The following C7orf78 variants were observed in gnomAD, a reference collection of about 807,000 sequenced individuals.
The protein encoded by C7orf78 is chromosome 7 open reading frame 78.
the C7orf78 span, among the ~76,000 whole-genome samples, chr7:12,516,538 G>T: frequency 6.6e-6 from 1 of 152,192 alleles, no homozygotes; most frequent in Admixed American, 6.5e-5. Flanking sequence ...CCATCCTCCA[G>T]ATCCCAGAAT....
the C7orf78 span, among the ~76,000 whole-genome samples, chr7:12,492,876 A>T: frequency 2.0e-5 from 3 of 152,224 alleles, no homozygotes; most frequent in African/African-American, 7.2e-5. Context: ...TGTGTTTTGC[A>T]GTATCTGACA....
chr7:12,534,444 C>A, the C7orf78 span, among the ~76,000 whole-genome samples: 18 of 152,132 alleles, frequency 1.2e-4, no homozygotes, highest in Admixed American at 3.9e-4. Flanking sequence ...TTAAAAGAAC[C>A]ACAAAAACAC....
chr7:12,501,185 C>G, the C7orf78 span, among the ~76,000 whole-genome samples: 1 of 137,104 alleles, frequency 7.3e-6, no homozygotes, highest in Non-Finnish European at 1.6e-5. Flanking sequence ...CAGGGATGTC[C>G]TCTCTCACCA....
the C7orf78 span, among the ~76,000 whole-genome samples, chr7:12,488,670 C>CA: frequency 1.8e-3 from 251 of 141,880 alleles, no homozygotes; most frequent in African/African-American, 5.5e-3. Context: ...AACAGCTCAG[C>CA]AAAAAAAAAA....
At chr7:12,500,166 A>C in the C7orf78 span, among the ~76,000 whole-genome samples, 3 of 149,440 alleles carry the variant, frequency 2.0e-5, no homozygotes, top group African/African-American at 7.4e-5. Flanking sequence ...TCACAATTAA[A>C]AGAACTAGAA....
At chr7:12,491,597 A>G in the C7orf78 span, 7 of 152,170 alleles carry the variant, frequency 4.6e-5, no homozygotes, top group Non-Finnish European at 8.8e-5. Context: ...CACCACACTA[A>G]AAAAGAGTAA....
chr7:12,537,753 T>A, the C7orf78 span, among the ~76,000 whole-genome samples: 1 of 152,156 alleles, frequency 6.6e-6, no homozygotes. Flanking sequence ...TAATAGAATG[T>A]ATACATAAAA....
chr7:12,511,605 C>T, the C7orf78 span, among the ~76,000 whole-genome samples: 1 of 152,016 alleles, frequency 6.6e-6, no homozygotes, highest in Non-Finnish European at 1.5e-5. Flanking sequence ...TCAATTTATT[C>T]TTAGGTATTT....
chr7:12,492,514 T>G, the C7orf78 span, among the ~76,000 whole-genome samples: 2 of 152,226 alleles, frequency 1.3e-5, no homozygotes. Flanking sequence ...GATTTCAGAT[T>G]GGTAGATCAT....
chr7:12,493,033 T>C, the C7orf78 span, among the ~76,000 whole-genome samples: 1 of 152,122 alleles, frequency 6.6e-6, no homozygotes, highest in African/African-American at 2.4e-5. Flanking sequence ...CAAAAAACCA[T>C]CTCTACAAAA....
chr7:12,487,991 A>G, the C7orf78 span, among the ~76,000 whole-genome samples: 1 of 152,090 alleles, frequency 6.6e-6, no homozygotes, highest in Admixed American at 6.6e-5. Flanking sequence ...TTAGAATCAG[A>G]AAACTCTGTT....
chr7:12,506,954 G>A, the C7orf78 span: 4 of 478,512 alleles, frequency 8.4e-6, no homozygotes, highest in Admixed American at 4.5e-5. Flanking sequence ...TAAATCTCTT[G>A]CTGAACAAAG....
chr7:12,536,749 T>G, the C7orf78 span, among the ~76,000 whole-genome samples: 1 of 152,180 alleles, frequency 6.6e-6, no homozygotes, highest in South Asian at 2.1e-4. Context: ...AGAAATTTCT[T>G]CTGCCAGATA....
At chr7:12,494,214 C>A in the C7orf78 span, among the ~76,000 whole-genome samples, 1 of 152,090 alleles carries the variant, frequency 6.6e-6, no homozygotes, top group Non-Finnish European at 1.5e-5. Flanking sequence ...CAATATTGAC[C>A]ATTTTGCCTG....
the C7orf78 span, chr7:12,506,950 T>A: frequency 2.1e-6 from 1 of 479,842 alleles, no homozygotes; most frequent in Admixed American, 2.2e-5. Context: ...TGAATAAATC[T>A]CTTGCTGAAC....
At chr7:12,538,764 G>C in the C7orf78 span, among the ~76,000 whole-genome samples, 2 of 152,112 alleles carry the variant, frequency 1.3e-5, no homozygotes, top group Non-Finnish European at 2.9e-5. Context: ...AATGGCGTGA[G>C]TACAGAAGAC....
chr7:12,528,970 C>G, the C7orf78 span: 1 of 398,510 alleles, frequency 2.5e-6, no homozygotes, highest in Middle Eastern at 6.3e-4. Context: ...CACCCACAAG[C>G]ATTGTGAATG....
chr7:12,535,369 T>C, the C7orf78 span, among the ~76,000 whole-genome samples: 3 of 152,162 alleles, frequency 2.0e-5, no homozygotes, highest in Admixed American at 6.5e-5. Flanking sequence ...GCAGGGAAAC[T>C]CTTGTTTTTA....
At chr7:12,513,143 T>A in the C7orf78 span, among the ~76,000 whole-genome samples, 1 of 152,118 alleles carries the variant, frequency 6.6e-6, no homozygotes, top group East Asian at 1.9e-4. Context: ...TTCTCTGTAT[T>A]TCTTTTAGTT....
Sources: gnomAD v4.1 joint callset for allele counts (sites outside exome capture counted in the v4.1 genomes callset) on GRCh38, gnomAD v4.1.1 for gene constraint, MANE v1.5 for transcripts, NCBI Gene and HGNC (gene_info 2026-07-23, HGNC 2026-07-21) for gene names.